Variants in RPS6KA2 observed in about 807,000 individuals in gnomAD.
RPS6KA2 encodes the protein ribosomal protein S6 kinase alpha-2.
Under a neutral mutation model 91.8 loss-of-function variants are expected in RPS6KA2, and 42 were observed. That is an observed-to-expected ratio of 0.46 (90% CI 0.36 to 0.59). The LOEUF is 0.59. Ranked by LOEUF, RPS6KA2 falls within the 20% of genes least tolerant of loss-of-function variation. RPS6KA2 has a pLI of 0.00. For synonymous variants in RPS6KA2, 414 were observed against 393.6 expected (o/e 1.05, Z -0.61); for missense variants, 798 against 978.5 (o/e 0.82, Z 2.46).
At chr6:166,585,498 CTTTTTTTTTTTT>C (rs58153048) in intron 1 of RPS6KA2, among the ~76,000 whole-genome samples, 3 of 86,306 alleles carry the variant, frequency 3.5e-5, no homozygotes, top group African/African-American at 7.0e-5. Context: ...TCAAACAAGT[CTTTTTTTTTTTT>C]TTTTTTTTTC....
chr6:166,642,826 G>C (rs1787487112), intron 2 of RPS6KA2, among the ~76,000 whole-genome samples: 1 of 152,236 alleles, frequency 6.6e-6, no homozygotes, highest in Non-Finnish European at 1.5e-5. Context: ...TTCTTGCTGA[G>C]TATGTGACGA....
Position 166,412,780 on chromosome 6 carries a change from G to C in RPS6KA2, c.2184C>G (p.Leu728=), listed in dbSNP as rs1267850406. ...NLAQRRGMKR[L]TSTRL Reference sequence around the variant, plus strand: ...CCACCCGCTACAGCCGCGTGGACGTGAGTCTCTTCATGCCTCTGCGCTGAG... The same window carrying C: ...CCACCCGCTACAGCCGCGTGGACGTCAGTCTCTTCATGCCTCTGCGCTGAG... Residue 728 remains leucine (L), a synonymous_variant, in exon 21 of 21, where the codon CTC becomes CTG. Coordinates refer to ENST00000265678, the MANE Select transcript of RPS6KA2 (RefSeq NM_021135.6). The surrounding 1 kb of genome is among the most constrained non-coding windows in gnomAD (Gnocchi z 4.3). The C allele has an allele frequency of 1.0e-5, 16 of 1,598,670 alleles. No individual in the cohort carries two copies. The highest frequency in any genetic ancestry group is 6.8e-5 in the East Asian group (3 of 44,304).
chr6:166,473,167 T>C (rs1195101513), intron 10 of RPS6KA2, among the ~76,000 whole-genome samples: 1 of 151,890 alleles, frequency 6.6e-6, no homozygotes, highest in Non-Finnish European at 1.5e-5. Flanking sequence ...TATCAATGAC[T>C]AAAGTGCAGT....
intron 2 of RPS6KA2, among the ~76,000 whole-genome samples, chr6:166,839,123 C>G (rs1438432895): frequency 1.9e-4 from 29 of 152,180 alleles, no homozygotes; most frequent in Admixed American, 1.9e-3. Context: ...TTGTTTTACA[C>G]CACAACGTTT....
chr6:166,519,880 C>T (rs1782788751), intron 3 of RPS6KA2, among the ~76,000 whole-genome samples: 1 of 152,180 alleles, frequency 6.6e-6, no homozygotes, highest in African/African-American at 2.4e-5. Context: ...GTTAGTTTTA[C>T]ATGTCAACTT....
chr6:166,623,278 T>A (rs1001101220), intron 1 of RPS6KA2, among the ~76,000 whole-genome samples: 10 of 152,264 alleles, frequency 6.6e-5, no homozygotes, highest in African/African-American at 2.4e-4. Flanking sequence ...TTAATTAGTT[T>A]AAATGTACAT....
chr6:166,487,408 T>G (rs1374027284), intron 10 of RPS6KA2, among the ~76,000 whole-genome samples: 1 of 152,108 alleles, frequency 6.6e-6, no homozygotes, highest in Non-Finnish European at 1.5e-5. Flanking sequence ...GTAGCCACGC[T>G]CGGCATGCAG....
chr6:166,501,895 G>A (rs1782041954), intron 6 of RPS6KA2, among the ~76,000 whole-genome samples: 2 of 152,224 alleles, frequency 1.3e-5, no homozygotes, highest in Admixed American at 1.3e-4. Context: ...GTGAAAGGAA[G>A]GAAAGCCTGA....
chr6:166,852,958 T>G lies in RPS6KA2; in HGVS notation c.123+5242A>C, dbSNP rs1380748216. ...GCCCCCTCGCCCGGATACTTTCTAT[T>G]CTGCTATGAAAAACAGAGTAAAATT... On this transcript the variant is annotated intron_variant, in intron 2 of 21. Transcript: ENST00000503859. The surrounding 1 kb of genome is among the most constrained non-coding windows in gnomAD (Gnocchi z 4.1). Among the ~76,000 whole-genome samples the G allele has an allele frequency of 6.6e-6, 1 of 152,176 alleles. No individual in the cohort carries two copies. The highest frequency in any genetic ancestry group is 1.5e-5 in the Non-Finnish European group (1 of 68,040).
At chr6:166,731,951 G>A (rs527973386) in intron 2 of RPS6KA2, among the ~76,000 whole-genome samples, 11 of 152,200 alleles carry the variant, frequency 7.2e-5, no homozygotes, top group African/African-American at 2.6e-4. Flanking sequence ...TTGTTCTTTA[G>A]TCAGCATTAT....
intron 1 of RPS6KA2, among the ~76,000 whole-genome samples, chr6:166,617,999 G>T (rs3778373): frequency 6.6e-6 from 1 of 152,174 alleles, no homozygotes; most frequent in South Asian, 2.1e-4. Flanking sequence ...GGGAGAACCC[G>T]TGTGCTCTGT....
chr6:166,791,626 C>T (rs1156793274), intron 2 of RPS6KA2, among the ~76,000 whole-genome samples: 11 of 152,132 alleles, frequency 7.2e-5, no homozygotes, highest in African/African-American at 2.7e-4. Flanking sequence ...TAAAGCACTC[C>T]TCAGCAAATG....
At chr6:166,834,360 C>A (rs1004796184) in intron 2 of RPS6KA2, among the ~76,000 whole-genome samples, 28 of 152,214 alleles carry the variant, frequency 1.8e-4, no homozygotes, top group African/African-American at 5.8e-4. Context: ...TCAGCAGGAA[C>A]AGAAAACTGA....
chr6:166,768,837 G>T (rs888346347), intron 2 of RPS6KA2, among the ~76,000 whole-genome samples: 1 of 152,188 alleles, frequency 6.6e-6, no homozygotes, highest in Non-Finnish European at 1.5e-5. Context: ...ACTGCCAGGA[G>T]TTTAACCTAC....
At chr6:166,686,052 T>C (rs1321119585) in intron 2 of RPS6KA2, among the ~76,000 whole-genome samples, 1 of 152,156 alleles carries the variant, frequency 6.6e-6, no homozygotes, top group African/African-American at 2.4e-5. Context: ...ATGACTGGGA[T>C]AAGCCAGGTG....
chr6:166,681,703 C>A lies in RPS6KA2; in HGVS notation c.124-142919G>T, dbSNP rs1350752971. ...CTCCCCCTGCCCGCCCCCCCCCCCG[C>A]CCCCGCCCAAGATCTTGCTCTTGGT... On this transcript the variant is annotated intron_variant, in intron 2 of 21. Coordinates refer to the RPS6KA2 transcript ENST00000503859. Among the ~76,000 whole-genome samples, 67 of 60,270 alleles carry A rather than the reference C, an allele frequency of 1.1e-3. 3 individuals carry two copies. The highest frequency in any genetic ancestry group is 6.4e-3 in the African/African-American group (63 of 9,896). 39.5% of individuals were successfully genotyped at this position (60,270 alleles called of 152,430 possible).
chr6:166,485,791 C>T (rs763660830), intron 10 of RPS6KA2, among the ~76,000 whole-genome samples: 13 of 152,204 alleles, frequency 8.5e-5, no homozygotes, highest in Non-Finnish European at 1.6e-4. Flanking sequence ...ACGGCAACTT[C>T]GGGACACAGG....
intron 2 of RPS6KA2, among the ~76,000 whole-genome samples, chr6:166,647,750 A>G (rs111500051): frequency 1.1e-3 from 171 of 151,370 alleles, no homozygotes; most frequent in Non-Finnish European, 1.8e-3. Context: ...ACATACATGC[A>G]CACACACACA....
exon 1 of RPS6KA2, chr6:166,862,164 T>A (rs762194947): frequency 1.9e-6 from 3 of 1,614,222 alleles, no homozygotes; most frequent in Non-Finnish European, 2.5e-6. Flanking sequence ...AACTGTGCGA[T>A]TGGCATTTTT....
Sources: allele counts gnomAD v4.1 joint callset (sites outside exome capture counted in the v4.1 genomes callset), GRCh38; gene constraint gnomAD v4.1.1; non-coding constraint Gnocchi (gnomAD v3.1); transcripts MANE v1.5; gene names NCBI Gene and HGNC (gene_info 2026-07-23, HGNC 2026-07-21).